NPAS3: variants seen among roughly 807,000 people sequenced by gnomAD.
NPAS3 encodes neuronal PAS domain-containing protein 3.
A neutral mutation model predicts 73.1 loss-of-function variants in NPAS3; 14 were observed. The ratio of observed to expected loss-of-function variants is 0.19; its 90% CI spans 0.13 to 0.30. NPAS3 has a LOEUF of 0.30. Among genes scored for constraint, NPAS3 ranks in the 10% least tolerant of loss-of-function variants. The probability of loss-of-function intolerance (pLI) is 1.00; values close to 1 mark genes in which losing one functional copy is unlikely to be tolerated. For synonymous variants in NPAS3, 620 were observed against 541.5 expected, an observed-to-expected ratio of 1.14 and a Z score of -2.01; for missense variants, 1,096 against 1,250.0, an observed-to-expected ratio of 0.88 and a Z score of 1.86.
rs1224050475 is a variant in NPAS3, at chr14:33,800,243, C to T, written c.1936C>T (p.Leu646Phe). ...GTCCTCCCCCAACAGTGCCTCGGTG[C>T]TCAAGATCAAGACGGAGATCTCAGA... is the stretch of plus-strand genomic sequence containing the variant. The change falls in exon 12 of 12, where the codon CTC (leucine) becomes TTC (phenylalanine). Residue 646 changes from leucine (L) to phenylalanine (F), a missense_variant. Around this residue, in one of 5 missense-constraint regions of NPAS3, gnomAD observed 698 missense variants for 676.7 expected, o/e 1.03. Transcript: ENST00000356141. This position sits in a 1 kb window ranked among gnomAD's most constrained non-coding sequence, Gnocchi z 6.5. 10 of 1,613,192 alleles carry T rather than the reference C, an allele frequency of 6.2e-6. No homozygotes were observed. The highest frequency in any genetic ancestry group is 1.3e-5 in the African/African-American group (1 of 75,022).
chr14:33,677,104 G>C (rs1311494212), intron 6 of NPAS3, among the ~76,000 whole-genome samples: 4 of 152,174 alleles, frequency 2.6e-5, no homozygotes, highest in Non-Finnish European at 2.9e-5. Context: ...ATATCCATCA[G>C]TCCCCTAGTT....
In NPAS3 at chr14:33,718,152, G is replaced by A. The variant is rs1463134166; in HGVS notation, c.734-17062G>A. ...GCTACGATGTGGTTATAAGAATAGCGTTCCTGTTCTTTTCATTCTTCTTCT... is the reference window on the plus strand; with the variant it reads ...GCTACGATGTGGTTATAAGAATAGCATTCCTGTTCTTTTCATTCTTCTTCT... On this transcript the variant is annotated intron_variant, in intron 6 of 11. Coordinates refer to ENST00000356141, the Ensembl canonical transcript of NPAS3. Among the ~76,000 whole-genome samples the A allele has an allele frequency of 3.3e-5, 5 of 152,088 alleles. No individual in the cohort carries two copies. In the East Asian group the frequency reaches 5.8e-4, roughly 18 times the overall value.
intron 2 of NPAS3, among the ~76,000 whole-genome samples, chr14:33,131,403 A>T (rs888865368): frequency 9.4e-6 from 1 of 106,594 alleles, no homozygotes; most frequent in African/African-American, 3.5e-5. Context: ...CAATTGAGTT[A>T]CACCCAGCCA....
chr14:33,727,939 G>A (rs1413144939), intron 6 of NPAS3, among the ~76,000 whole-genome samples: 3 of 152,202 alleles, frequency 2.0e-5, no homozygotes, highest in Non-Finnish European at 4.4e-5. Flanking sequence ...GCTGCAGAAT[G>A]GGTCATATTG....
At chr14:33,762,577 T>A (rs564874260) in intron 7 of NPAS3, among the ~76,000 whole-genome samples, 1 of 152,288 alleles carries the variant, frequency 6.6e-6, no homozygotes, top group South Asian at 2.1e-4. Context: ...CTCTTTTTTT[T>A]AAGACTTTCT....
chr14:33,714,096 C>A (rs1439824195), intron 6 of NPAS3, among the ~76,000 whole-genome samples: 1 of 152,076 alleles, frequency 6.6e-6, no homozygotes, highest in Non-Finnish European at 1.5e-5. Context: ...CAACTCTCAC[C>A]TGCACATTGT....
chr14:33,111,899 A>G (rs1161998050), intron 2 of NPAS3, among the ~76,000 whole-genome samples: 2 of 145,180 alleles, frequency 1.4e-5, no homozygotes, highest in East Asian at 2.0e-4. Context: ...ATTCCCACCT[A>G]TGAGTGAGAA....
intron 4 of NPAS3, among the ~76,000 whole-genome samples, chr14:33,388,212 T>G (rs2046852350): frequency 6.6e-6 from 1 of 152,202 alleles, no homozygotes; most frequent in African/African-American, 2.4e-5. Context: ...TGGCATGATA[T>G]TCATTCTAAT....
At chr14:33,042,911 G>T (rs1347005466) in intron 1 of NPAS3, among the ~76,000 whole-genome samples, 2 of 152,078 alleles carry the variant, frequency 1.3e-5, no homozygotes, top group Admixed American at 1.3e-4. Flanking sequence ...AGAAGACAGT[G>T]CTAATAAATC....
At chr14:33,540,695 C>T (rs938135074) in intron 4 of NPAS3, among the ~76,000 whole-genome samples, 13 of 152,130 alleles carry the variant, frequency 8.5e-5, no homozygotes, top group African/African-American at 2.9e-4. Context: ...CAACCTCCCT[C>T]GTTCTAGTAA....
At chr14:33,605,289 T>TA (rs1163694542) in intron 5 of NPAS3, among the ~76,000 whole-genome samples, 1 of 150,688 alleles carries the variant, frequency 6.6e-6, no homozygotes, top group African/African-American at 2.4e-5. Context: ...ATCAGTATTT[T>TA]AAAAAAAGAA....
intron 6 of NPAS3, among the ~76,000 whole-genome samples, chr14:33,711,780 G>T (rs1255227205): frequency 6.6e-6 from 1 of 151,996 alleles, no homozygotes; most frequent in Admixed American, 6.6e-5. Flanking sequence ...TTCCTACCAG[G>T]GTCACTCGCA....
intron 6 of NPAS3, among the ~76,000 whole-genome samples, chr14:33,701,935 C>T (rs566177275): frequency 4.1e-4 from 62 of 152,270 alleles, no homozygotes; most frequent in Middle Eastern, 3.4e-3. Flanking sequence ...ATCTTACAAT[C>T]TAGCAAGAGA....
At chr14:33,579,725 C>T (rs942915194) in intron 5 of NPAS3, among the ~76,000 whole-genome samples, 7 of 151,806 alleles carry the variant, frequency 4.6e-5, no homozygotes, top group Admixed American at 3.3e-4. Flanking sequence ...AGAGCAAGTT[C>T]GCCTTAAATT....
chr14:33,356,388 T>C (rs2045339281), intron 3 of NPAS3, among the ~76,000 whole-genome samples: 1 of 152,236 alleles, frequency 6.6e-6, no homozygotes, highest in Non-Finnish European at 1.5e-5. Flanking sequence ...TTATCTCTTT[T>C]TCCTTTCCTC....
chr14:33,438,059 G>A (rs528723348), intron 4 of NPAS3, among the ~76,000 whole-genome samples: 159 of 152,236 alleles, frequency 1.0e-3, no homozygotes, highest in African/African-American at 3.4e-3. Context: ...ACTGTATCGC[G>A]TTTGGAAAAT....
At chr14:33,197,970 T>C (rs2046438304) in intron 2 of NPAS3, among the ~76,000 whole-genome samples, 2 of 151,502 alleles carry the variant, frequency 1.3e-5, no homozygotes, top group Admixed American at 6.6e-5. Flanking sequence ...TTCTTCCTTG[T>C]GGTGGGTTCA....
chr14:33,183,387 G>C (rs1394015313), intron 2 of NPAS3, among the ~76,000 whole-genome samples: 3 of 139,662 alleles, frequency 2.1e-5, no homozygotes, highest in Non-Finnish European at 3.0e-5. Flanking sequence ...GATTACACCA[G>C]TGCACTCCAG....
At chr14:33,707,813 G>A (rs530500231) in intron 6 of NPAS3, among the ~76,000 whole-genome samples, 2 of 152,268 alleles carry the variant, frequency 1.3e-5, no homozygotes, top group South Asian at 2.1e-4. Flanking sequence ...CATAGGTCAG[G>A]GTGTCGGGAG....
Sources: gnomAD v4.1 joint callset for allele counts (sites outside exome capture counted in the v4.1 genomes callset) on GRCh38, gnomAD v4.1.1 for gene constraint, gnomAD v4.1.1 regional missense constraint, Gnocchi (gnomAD v3.1) non-coding constraint, MANE v1.5 for transcripts, NCBI Gene and HGNC (gene_info 2026-07-23, HGNC 2026-07-21) for gene names.